MAML2: variants seen among roughly 807,000 people sequenced by gnomAD.
MAML2 encodes mastermind-like protein 2.
MAML2 carries 22 observed loss-of-function variants against 96.1 expected under a neutral mutation model. That is an observed-to-expected ratio of 0.23 (90% CI 0.16 to 0.33). The LOEUF (loss-of-function observed/expected upper bound fraction) is 0.33, where lower values mean the gene tolerates loss of function less well. Among genes scored for constraint, MAML2 ranks in the 10% least tolerant of loss-of-function variants. The pLI is 1.00. For missense variants in MAML2, 1,367 were observed against 1,392.4 expected (o/e 0.98, Z 0.29); for synonymous variants, 561 against 521.3 (o/e 1.08, Z -1.04).
chr11:96,083,165 G>A (rs543584492), intron 2 of MAML2, among the ~76,000 whole-genome samples: 1 of 152,336 alleles, frequency 6.6e-6, no homozygotes, highest in African/African-American at 2.4e-5. Flanking sequence ...CCCCCCTCCA[G>A]TGTGTTCTTT....
chr11:96,248,362 T>C (rs1290787760), intron 1 of MAML2, among the ~76,000 whole-genome samples: 1 of 152,174 alleles, frequency 6.6e-6, no homozygotes, highest in Non-Finnish European at 1.5e-5. Flanking sequence ...TCCATCCACC[T>C]TGGCCTCCCA....
At chr11:96,042,253 C>T (rs1359638841) in intron 2 of MAML2, among the ~76,000 whole-genome samples, 2 of 152,180 alleles carry the variant, frequency 1.3e-5, no homozygotes, top group Non-Finnish European at 2.9e-5. Flanking sequence ...GCTGGGATTA[C>T]AGGCGTGAGC....
intron 1 of MAML2, among the ~76,000 whole-genome samples, chr11:96,262,536 C>T (rs1223716161): frequency 1.3e-5 from 2 of 151,688 alleles, no homozygotes; most frequent in African/African-American, 4.9e-5. Flanking sequence ...GGCGCAATCT[C>T]AGCTCACTGC....
intron 1 of MAML2, among the ~76,000 whole-genome samples, chr11:96,326,579 G>A (rs899394264): frequency 2.0e-5 from 3 of 151,816 alleles, no homozygotes; most frequent in Non-Finnish European, 4.4e-5. Context: ...GGTGGATCAC[G>A]AGGTCAGGAG....
intron 2 of MAML2, among the ~76,000 whole-genome samples, chr11:95,997,783 T>A (rs190552465): frequency 1.3e-5 from 2 of 152,188 alleles, no homozygotes; most frequent in African/African-American, 2.4e-5. Context: ...GTGAGCATCC[T>A]CTTCTTCTAA....
chr11:96,133,387 T>G (rs1860576389), intron 1 of MAML2, among the ~76,000 whole-genome samples: 1 of 152,112 alleles, frequency 6.6e-6, no homozygotes, highest in Non-Finnish European at 1.5e-5. Context: ...CATTTTCTTA[T>G]CGATTTTAAA....
intron 1 of MAML2, among the ~76,000 whole-genome samples, chr11:96,130,359 T>C (rs1200679433): frequency 6.6e-6 from 1 of 152,254 alleles, no homozygotes; most frequent in African/African-American, 2.4e-5. Flanking sequence ...GTGATACTTC[T>C]TTCTGCTTCC....
At chr11:95,981,335 A>G (rs1857733252) in intron 4 of MAML2, among the ~76,000 whole-genome samples, 1 of 152,322 alleles carries the variant, frequency 6.6e-6, no homozygotes, top group South Asian at 2.1e-4. Flanking sequence ...AACATATTGA[A>G]ATCTTCTTGA....
At chr11:95,990,311 G>A (rs917990709) in intron 3 of MAML2, among the ~76,000 whole-genome samples, 2 of 151,862 alleles carry the variant, frequency 1.3e-5, no homozygotes, top group Admixed American at 6.6e-5. Context: ...GGCCTCTCAA[G>A]CCCTATCCTC....
intron 1 of MAML2, among the ~76,000 whole-genome samples, chr11:96,244,331 C>T (rs1862483816): frequency 6.6e-6 from 1 of 152,126 alleles, no homozygotes; most frequent in South Asian, 2.1e-4. Flanking sequence ...CGTGTAAGAA[C>T]GTTTTCATAT....
At chr11:96,066,599 C>G (rs1380843872) in intron 2 of MAML2, among the ~76,000 whole-genome samples, 1 of 152,230 alleles carries the variant, frequency 6.6e-6, no homozygotes, top group African/African-American at 2.4e-5. Flanking sequence ...TCCATTGAAT[C>G]CCATAGGAAT....
At chr11:96,263,970 T>G (rs1454482534) in intron 1 of MAML2, among the ~76,000 whole-genome samples, 2 of 152,150 alleles carry the variant, frequency 1.3e-5, no homozygotes, top group African/African-American at 2.4e-5. Context: ...GAGGGAAAAT[T>G]AAGGAAATAT....
chr11:96,094,018 A>G (rs1218579946), intron 1 of MAML2, among the ~76,000 whole-genome samples: 3 of 152,044 alleles, frequency 2.0e-5, no homozygotes. Context: ...CAACCCCTTC[A>G]TCACTATTAT....
chr11:96,050,613 T>C (rs2135767088), intron 2 of MAML2, among the ~76,000 whole-genome samples: 1 of 152,330 alleles, frequency 6.6e-6, no homozygotes, highest in Non-Finnish European at 1.5e-5. Flanking sequence ...TAGGCAACAT[T>C]GCATATGGTA....
chr11:96,035,450 G>A lies in MAML2; in HGVS notation c.2140-43727C>T, dbSNP rs572500799. ...TGTTTTCTGAGGATGTGGATTCTAC[G>A]GAAGATAGGAGACTGGGTCTGTCAG... On this transcript the variant is annotated intron_variant, in intron 2 of 4. Transcript: ENST00000524717. Among the ~76,000 whole-genome samples, 95 of 152,274 alleles carry A rather than the reference G, an allele frequency of 6.2e-4. 1 individual carries two copies. In the Middle Eastern group the frequency reaches 0.017, roughly 27 times the overall value.
At chr11:96,168,863 G>A (rs554835709) in intron 1 of MAML2, among the ~76,000 whole-genome samples, 28 of 152,316 alleles carry the variant, frequency 1.8e-4, no homozygotes, top group Non-Finnish European at 3.1e-4. Context: ...GTGGGGATTT[G>A]AGAAACGTTT....
intron 1 of MAML2, among the ~76,000 whole-genome samples, chr11:96,160,586 T>A (rs1480741855): frequency 6.6e-6 from 1 of 152,022 alleles, no homozygotes; most frequent in African/African-American, 2.4e-5. Context: ...TGCCACTATG[T>A]CCAGCTAATT....
At chr11:96,275,909 T>C (rs1236125833) in intron 1 of MAML2, among the ~76,000 whole-genome samples, 3 of 152,154 alleles carry the variant, frequency 2.0e-5, no homozygotes, top group African/African-American at 4.8e-5. Context: ...TTTTAACCCA[T>C]AGAAGGTCCT....
intron 1 of MAML2, among the ~76,000 whole-genome samples, chr11:96,200,731 G>C (rs1295954320): frequency 6.6e-6 from 1 of 152,140 alleles, no homozygotes; most frequent in South Asian, 2.1e-4. Context: ...TTTGGTGGAG[G>C]GTGGTGGGGG....
Sources: allele counts gnomAD v4.1 joint callset (sites outside exome capture counted in the v4.1 genomes callset), GRCh38; gene constraint gnomAD v4.1.1; transcripts MANE v1.5; gene names NCBI Gene and HGNC (gene_info 2026-07-23, HGNC 2026-07-21).